C1orf94: variants seen among roughly 807,000 people sequenced by gnomAD.
C1orf94 encodes the protein chromosome 1 open reading frame 94.
A neutral mutation model predicts 53.6 loss-of-function variants in C1orf94; 45 were observed. That is an observed-to-expected ratio of 0.84 (90% CI 0.66 to 1.08). The LOEUF is 1.08. Among genes scored for constraint, C1orf94 ranks in the 50% least tolerant of loss-of-function variants. C1orf94 has a pLI of 0.00. For missense variants in C1orf94, 762 were observed against 738.9 expected, an observed-to-expected ratio of 1.03 and a Z score of -0.36; for synonymous variants, 304 against 296.1, an observed-to-expected ratio of 1.03 and a Z score of -0.27.
upstream of C1orf94, among the ~76,000 whole-genome samples, chr1:34,172,254 A>G (rs1642156063): frequency 6.6e-6 from 1 of 152,184 alleles, no homozygotes; most frequent in Non-Finnish European, 1.5e-5. Context: ...TGCCACCACC[A>G]TATTCTTTTA....
chr1:34,191,471 G>C (rs1338130973), intron 1 of C1orf94, among the ~76,000 whole-genome samples: 1 of 151,938 alleles, frequency 6.6e-6, no homozygotes, highest in Non-Finnish European at 1.5e-5. Flanking sequence ...TCCCTCCAGG[G>C]ACTGACCTCT....
intron 1 of C1orf94, among the ~76,000 whole-genome samples, chr1:34,167,908 C>T (rs1157049478): frequency 6.6e-6 from 1 of 152,118 alleles, no homozygotes; most frequent in African/African-American, 2.4e-5. Flanking sequence ...TTCATTTACT[C>T]AACAAATATT....
intron 1 of C1orf94, among the ~76,000 whole-genome samples, chr1:34,168,224 G>T (rs1231852747): frequency 6.6e-6 from 1 of 152,096 alleles, no homozygotes; most frequent in African/African-American, 2.4e-5. Context: ...GCTGCAGTGA[G>T]CCATGATCAC....
chr1:34,200,707 AG>A (rs1642689273), intron 2 of C1orf94, 64 bp from the exon 3 acceptor site: 5 of 1,590,534 alleles, frequency 3.1e-6, no homozygotes, highest in East Asian at 2.2e-5. Context: ...GTCCACAAAA[AG>A]GTGCTTCCAG....
At chr1:34,201,374 C>A (rs1022965393) in intron 3 of C1orf94, among the ~76,000 whole-genome samples, 1 of 152,116 alleles carries the variant, frequency 6.6e-6, no homozygotes, top group Admixed American at 6.5e-5. Flanking sequence ...ATTATGTTCC[C>A]GCTTTCTTTT....
At chr1:34,183,837 C>G (rs904875967) in intron 1 of C1orf94, among the ~76,000 whole-genome samples, 1 of 142,900 alleles carries the variant, frequency 7.0e-6, no homozygotes, top group Non-Finnish European at 1.5e-5. Context: ...GTCTGGGTAA[C>G]AAGAGCAAAA....
At position 34,181,439 on chromosome 1, in the gene C1orf94, C is replaced by G. The variant is rs1221611295; in HGVS notation, c.320+3330C>G. 3.3e-5 allele frequency among the ~76,000 whole-genome samples: 5 copies of G among 152,216 alleles called. No homozygotes were observed. In the South Asian group the frequency reaches 1.0e-3, roughly 32 times the overall value. ...ACCAATACTACACTCACTTTTTTCC[C>G]CAAGTCGACTTTCACTCTGTGGACA... On this transcript the variant is annotated intron_variant, in intron 1 of 6. Transcript: ENST00000488417.
At chr1:34,194,657 T>TAA (rs1463514518) in intron 1 of C1orf94, among the ~76,000 whole-genome samples, 5 of 152,206 alleles carry the variant, frequency 3.3e-5, no homozygotes, top group African/African-American at 1.2e-4. Flanking sequence ...TCTCTCTTCT[T>TAA]TTCCCTCCTC....
Position 34,218,701 on chromosome 1 carries a change from C to G in C1orf94, c.1737C>G (p.Ser579=). ...TCTCTTCCAGGTTCGGCTCGACATC[C>G]GGAGGGCCCTTGATGCACAGCCCCT... The part of the protein sequence containing the change: ...FPQGYGFGST[S]GGPLMHSPYF... The change falls in exon 7 of 7, where the codon TCC becomes TCG. Residue 579 remains serine, a synonymous_variant. Transcript: ENST00000488417. The G allele has an allele frequency of 6.2e-7, 1 of 1,612,248 alleles. No individual in the cohort carries two copies. Among genetic ancestry groups the G allele is most frequent in the Non-Finnish European group, 8.5e-7 (1 of 1,178,778 alleles).
intron 1 of C1orf94, among the ~76,000 whole-genome samples, chr1:34,193,845 C>T (rs1642537263): frequency 6.6e-6 from 1 of 152,340 alleles, no homozygotes; most frequent in South Asian, 2.1e-4. Flanking sequence ...GGCAACCTTT[C>T]AAGGGCACGT....
At chr1:34,187,816 G>A (rs533608325) in intron 1 of C1orf94, among the ~76,000 whole-genome samples, 2 of 107,656 alleles carry the variant, frequency 1.9e-5, no homozygotes, top group Non-Finnish European at 3.4e-5. Context: ...TCTAGTTCTT[G>A]CCCAACTCAC....
At chr1:34,202,358 C>T in intron 4 of C1orf94, 99 bp downstream of exon 4, 8 of 1,332,992 alleles carry the variant, frequency 6.0e-6, no homozygotes, top group Non-Finnish European at 6.2e-6. Context: ...AGTCTTTAGA[C>T]TCCTCTGAAT....
At chr1:34,188,641 G>A (rs1296519014) in intron 1 of C1orf94, among the ~76,000 whole-genome samples, 2 of 152,186 alleles carry the variant, frequency 1.3e-5, no homozygotes, top group African/African-American at 2.4e-5. Flanking sequence ...AGTCAGAGCT[G>A]CTAACATTTG....
intron 4 of C1orf94, among the ~76,000 whole-genome samples, chr1:34,207,262 G>GGGGTGT (rs1021463420): frequency 9.5e-5 from 14 of 147,452 alleles, no homozygotes; most frequent in African/African-American, 3.5e-4. Context: ...AGTTCTGCGG[G>GGGGTGT]GTGTGTGTGT....
chr1:34,168,442 A>T (rs1007073986), intron 1 of C1orf94, among the ~76,000 whole-genome samples: 7 of 152,064 alleles, frequency 4.6e-5, no homozygotes, highest in African/African-American at 1.7e-4. Flanking sequence ...GCAATGGGAG[A>T]TAGGGAGTGG....
chr1:34,170,382 G>A (rs1477954527), intron 1 of C1orf94, among the ~76,000 whole-genome samples: 1 of 152,166 alleles, frequency 6.6e-6, no homozygotes, highest in East Asian at 1.9e-4. Context: ...ATGGAAATAA[G>A]AAGGGCTCCT....
chr1:34,181,586 C>T (rs1190104566), intron 1 of C1orf94, among the ~76,000 whole-genome samples: 1 of 152,218 alleles, frequency 6.6e-6, no homozygotes, highest in African/African-American at 2.4e-5. Flanking sequence ...CCATTAATCC[C>T]TGCCTTCCTA....
intron 4 of C1orf94, 98 bp downstream of exon 4, chr1:34,202,357 A>G: frequency 1.5e-6 from 2 of 1,330,394 alleles, no homozygotes; most frequent in East Asian, 4.8e-5. Flanking sequence ...GAGTCTTTAG[A>G]CTCCTCTGAA....
chr1:34,172,764 G>A (rs993979794), upstream of C1orf94, among the ~76,000 whole-genome samples: 4 of 152,258 alleles, frequency 2.6e-5, no homozygotes, highest in African/African-American at 9.6e-5. Context: ...ATGGCTGGCT[G>A]CTCTGCAGCC....
Sources: allele counts gnomAD v4.1 joint callset (sites outside exome capture counted in the v4.1 genomes callset), GRCh38; gene constraint gnomAD v4.1.1; transcripts MANE v1.5; gene names NCBI Gene and HGNC (gene_info 2026-07-23, HGNC 2026-07-21).